CCDC30: variants seen among roughly 807,000 people sequenced by gnomAD.
CCDC30 encodes the protein coiled-coil domain containing 30.
Under a neutral mutation model 100.2 loss-of-function variants are expected in CCDC30, and 70 were observed. The observed-to-expected ratio is 0.70, with a 90% CI of 0.58 to 0.85. CCDC30 has a LOEUF of 0.85. CCDC30 is among the 40% of genes least tolerant of loss of function. The pLI, the probability that CCDC30 is intolerant of heterozygous loss-of-function variation, is 0.00. For synonymous variants in CCDC30, 233 were observed against 269.5 expected (o/e 0.86, Z 1.33); for missense variants, 652 against 771.2 (o/e 0.85, Z 1.83).
chr1:42,528,452 T>C (rs1644756965), intron 6 of CCDC30, among the ~76,000 whole-genome samples: 1 of 152,036 alleles, frequency 6.6e-6, no homozygotes, highest in South Asian at 2.1e-4. Flanking sequence ...ATCTATGAAG[T>C]ATAAAGGTAA....
chr1:42,509,052 G>T (rs988798926), intron 6 of CCDC30, among the ~76,000 whole-genome samples: 1 of 152,110 alleles, frequency 6.6e-6, no homozygotes, highest in African/African-American at 2.4e-5. Flanking sequence ...CCTAAATTAG[G>T]TTATGACTTA....
chr1:42,504,053 T>C (rs1644360664), intron 6 of CCDC30, among the ~76,000 whole-genome samples: 1 of 152,236 alleles, frequency 6.6e-6, no homozygotes, highest in Non-Finnish European at 1.5e-5. Context: ...TCTACAGATA[T>C]TAAATTAACT....
the CCDC30 span, among the ~76,000 whole-genome samples, chr1:42,457,790 T>TA: frequency 3.3e-5 from 5 of 151,402 alleles, no homozygotes; most frequent in African/African-American, 7.3e-5. Flanking sequence ...CCGTCTCTAC[T>TA]AAAAAAATAC....
intron 6 of CCDC30, among the ~76,000 whole-genome samples, chr1:42,554,709 C>T (rs1645332185): frequency 1.3e-5 from 2 of 152,116 alleles, no homozygotes; most frequent in Non-Finnish European, 2.9e-5. Flanking sequence ...AAAATAAAAC[C>T]AGCATATTTG....
chr1:42,527,698 C>A (rs570993198), intron 6 of CCDC30, among the ~76,000 whole-genome samples: 1 of 152,214 alleles, frequency 6.6e-6, no homozygotes, highest in African/African-American at 2.4e-5. Context: ...ATCTCTTATG[C>A]AAATCTCACT....
chr1:42,503,920 C>G (rs1644358550), intron 6 of CCDC30, among the ~76,000 whole-genome samples: 1 of 152,204 alleles, frequency 6.6e-6, no homozygotes, highest in Non-Finnish European at 1.5e-5. Flanking sequence ...ATTAAAGACA[C>G]ACACACAGAA....
chr1:42,524,608 T>C (rs367797254), intron 6 of CCDC30, among the ~76,000 whole-genome samples: 1 of 152,226 alleles, frequency 6.6e-6, no homozygotes, highest in East Asian at 1.9e-4. Context: ...AAATCCCCAA[T>C]ACTTAAAGGA....
At chr1:42,649,103 G>A (rs1331336741) in intron 15 of CCDC30, among the ~76,000 whole-genome samples, 1 of 152,018 alleles carries the variant, frequency 6.6e-6, no homozygotes, top group Non-Finnish European at 1.5e-5. Flanking sequence ...ATTCACTCCT[G>A]AAGTCCACCA....
intron 3 of CCDC30, among the ~76,000 whole-genome samples, chr1:42,485,729 A>T (rs549149197): frequency 1.3e-5 from 2 of 152,300 alleles, no homozygotes; most frequent in South Asian, 4.1e-4. Context: ...ACATGAAAAG[A>T]TGCTCAGCAC....
At chr1:42,525,237 A>T (rs976222368) in intron 6 of CCDC30, among the ~76,000 whole-genome samples, 3 of 152,082 alleles carry the variant, frequency 2.0e-5, no homozygotes, top group African/African-American at 7.2e-5. Context: ...CTTCTTCAAA[A>T]TTTTTTGTAT....
chr1:42,541,603 G>A (rs994584877), intron 6 of CCDC30, among the ~76,000 whole-genome samples: 2 of 152,276 alleles, frequency 1.3e-5, no homozygotes, highest in African/African-American at 2.4e-5. Context: ...TTAAGGTACT[G>A]TCTGCTAGAT....
upstream of CCDC30, among the ~76,000 whole-genome samples, chr1:42,458,830 C>T (rs1308392075): frequency 6.6e-6 from 1 of 152,178 alleles, no homozygotes; most frequent in African/African-American, 2.4e-5. Context: ...AAAATAAAAT[C>T]AGTTTCCTCA....
intron 6 of CCDC30, among the ~76,000 whole-genome samples, chr1:42,515,267 A>C (rs1044585471): frequency 6.6e-6 from 1 of 152,038 alleles, no homozygotes; most frequent in Non-Finnish European, 1.5e-5. Context: ...TCAAGAAATG[A>C]TGCTACCCAG....
At chr1:42,509,437 A>G (rs1034814043) in intron 6 of CCDC30, among the ~76,000 whole-genome samples, 2 of 152,212 alleles carry the variant, frequency 1.3e-5, no homozygotes, top group African/African-American at 4.8e-5. Context: ...TGATAGATCA[A>G]CTAGCACCAC....
exon 3 of CCDC30, chr1:42,482,689 C>T: frequency 8.1e-7 from 1 of 1,233,620 alleles, no homozygotes; most frequent in Non-Finnish European, 1.0e-6. Flanking sequence ...TGGAAAAAGA[C>T]AAAACATCAC....
chr1:42,459,752 G>C (rs146107417), upstream of CCDC30: 1,318 of 1,614,174 alleles, frequency 8.2e-4, 14 homozygotes, highest in South Asian at 8.2e-3. Context: ...AGCATCAAGT[G>C]GTGGTGGCTA....
chr1:42,596,964 A>G lies in CCDC30; in HGVS notation c.1164+7481A>G, dbSNP rs1246883925. Among the ~76,000 whole-genome samples the G allele has an allele frequency of 6.6e-6, 1 of 152,160 alleles. No homozygotes were observed. The highest frequency in any genetic ancestry group is 1.5e-5 in the Non-Finnish European group (1 of 68,030). On this transcript the variant is annotated intron_variant, in intron 10 of 16. Transcript: ENST00000668663. The surrounding 1 kb of genome is among the most constrained non-coding windows in gnomAD (Gnocchi z 4.3). ...GAAAGAACCACATAGAAATTCCGTT[A>G]CAGTGTTTTTGATTTTTAAGTAAAG...
chr1:42,556,106 A>G (rs1271983741), intron 6 of CCDC30, 50 bp from the exon 10 acceptor site: 2 of 1,542,588 alleles, frequency 1.3e-6, no homozygotes. Flanking sequence ...TCCCGATTCT[A>G]CTACTATAAT....
intron 6 of CCDC30, 117 bp from the exon 10 acceptor site, chr1:42,556,039 A>G (rs1645361920): frequency 2.0e-6 from 2 of 1,005,432 alleles, no homozygotes; most frequent in South Asian, 1.7e-5. Flanking sequence ...CTGTTGTGCT[A>G]TAGAATTCAG....
Sources: allele counts gnomAD v4.1 joint callset (sites outside exome capture counted in the v4.1 genomes callset), GRCh38; gene constraint gnomAD v4.1.1; non-coding constraint Gnocchi (gnomAD v3.1); transcripts MANE v1.5; gene names NCBI Gene and HGNC (gene_info 2026-07-23, HGNC 2026-07-21).